BRI3: variants seen among roughly 807,000 people sequenced by gnomAD.
BRI3 encodes the protein membrane protein BRI3.
A neutral mutation model predicts 12.8 loss-of-function variants in BRI3; 6 were observed. The observed-to-expected ratio is 0.47, with a 90% CI of 0.26 to 0.93. The LOEUF is 0.93. Ranked by LOEUF, BRI3 falls within the 40% of genes least tolerant of loss-of-function variation. The probability of loss-of-function intolerance (pLI) is 0.15; values close to 1 mark genes in which losing one functional copy is unlikely to be tolerated. For missense variants in BRI3, 134 were observed against 171.1 expected, an observed-to-expected ratio of 0.78 and a Z score of 1.21; for synonymous variants, 91 against 76.1, an observed-to-expected ratio of 1.20 and a Z score of -1.02.
chr7:98,322,139 G>A, the BRI3 span, among the ~76,000 whole-genome samples: 1 of 152,108 alleles, frequency 6.6e-6, no homozygotes, highest in Non-Finnish European at 1.5e-5. Flanking sequence ...CTGAGAGGCT[G>A]CAGGGGAGGA....
chr7:98,291,079 G>T (rs765487035), intron 2 of BRI3, 32 bp from the exon 3 acceptor site: 3 of 1,613,012 alleles, frequency 1.9e-6, no homozygotes. Context: ...GGGTCCTTAC[G>T]GTGCCACCCT....
At chr7:98,321,162 G>A in the BRI3 span, among the ~76,000 whole-genome samples, 2 of 152,034 alleles carry the variant, frequency 1.3e-5, no homozygotes, top group Non-Finnish European at 2.9e-5. Context: ...CCTGGCCCAC[G>A]TGGCCCTTTC....
At chr7:98,299,501 C>G (rs1193504029) in intron 1 of BRI3, among the ~76,000 whole-genome samples, 7 of 150,542 alleles carry the variant, frequency 4.6e-5, no homozygotes, top group Middle Eastern at 3.2e-3. Context: ...TGCTTCTTGA[C>G]CACCACGTTA....
upstream of BRI3, chr7:98,304,400 A>G: frequency 6.2e-7 from 1 of 1,612,362 alleles, no homozygotes; most frequent in Non-Finnish European, 8.5e-7. Flanking sequence ...AGGACACAGC[A>G]CGTGTTAGAT....
chr7:98,316,957 A>AGC, the BRI3 span, among the ~76,000 whole-genome samples: 1 of 125,888 alleles, frequency 7.9e-6, no homozygotes, highest in Non-Finnish European at 1.7e-5. Flanking sequence ...TCTGCCTCCC[A>AGC]AGTTCAAGCA....
chr7:98,284,603 C>T (rs1197061239), intron 2 of BRI3, among the ~76,000 whole-genome samples: 2 of 152,236 alleles, frequency 1.3e-5, no homozygotes, highest in Non-Finnish European at 2.9e-5. Context: ...CCAGGTCCAG[C>T]CCGCCGGGCT....
the BRI3 span, among the ~76,000 whole-genome samples, chr7:98,320,514 TTAG>T: frequency 1.3e-5 from 2 of 152,158 alleles, no homozygotes; most frequent in Non-Finnish European, 2.9e-5. Flanking sequence ...TTTTGCATTT[TTAG>T]TAGAGACAGG....
upstream of BRI3, chr7:98,304,326 C>G: frequency 6.2e-7 from 1 of 1,613,640 alleles, no homozygotes; most frequent in Non-Finnish European, 8.5e-7. Flanking sequence ...GATGACAACA[C>G]TGCTATTCTC....
At chr7:98,299,267 C>T (rs774287924) in intron 1 of BRI3, among the ~76,000 whole-genome samples, 4 of 152,102 alleles carry the variant, frequency 2.6e-5, no homozygotes, top group Non-Finnish European at 4.4e-5. Flanking sequence ...GATCCACCTG[C>T]CTCGGCCTCC....
chr7:98,282,231 G>T, intron 1 of BRI3, 120 bp from the exon 2 acceptor site: 1 of 942,472 alleles, frequency 1.1e-6, no homozygotes, highest in Admixed American at 2.5e-5. Flanking sequence ...GCCGTCCCGA[G>T]GGTGGAAAAG....
upstream of BRI3, among the ~76,000 whole-genome samples, chr7:98,303,322 G>T (rs1460310077): frequency 6.6e-6 from 1 of 152,042 alleles, no homozygotes; most frequent in South Asian, 2.1e-4. Flanking sequence ...TGGCTCCTTC[G>T]CCCCAAAGCA....
At chr7:98,315,884 T>C in the BRI3 span, among the ~76,000 whole-genome samples, 1 of 152,150 alleles carries the variant, frequency 6.6e-6, no homozygotes, top group Non-Finnish European at 1.5e-5. Flanking sequence ...ACTTCAGAGA[T>C]ATGATCGTGT....
chr7:98,286,006 C>T (rs1244074912), intron 2 of BRI3, among the ~76,000 whole-genome samples: 6 of 152,130 alleles, frequency 3.9e-5, no homozygotes, highest in East Asian at 1.9e-4. Flanking sequence ...CCACCATGTG[C>T]GCAGAGGGCA....
At chr7:98,307,631 T>C in exon 2 of BRI3, 1 of 1,598,864 alleles carries the variant, frequency 6.3e-7, no homozygotes, top group Non-Finnish European at 8.5e-7. Context: ...GCAGCTTGGC[T>C]GCTCTGGAAG....
the BRI3 span, chr7:98,320,208 T>C: frequency 1.3e-6 from 2 of 1,594,502 alleles, no homozygotes; most frequent in Non-Finnish European, 1.7e-6. Flanking sequence ...AATGAGTGTA[T>C]TTTGTAAATA....
At chr7:98,287,200 C>G (rs1246693459) in intron 2 of BRI3, among the ~76,000 whole-genome samples, 4 of 152,266 alleles carry the variant, frequency 2.6e-5, no homozygotes, top group Non-Finnish European at 4.4e-5. Flanking sequence ...CAGGCTCGCT[C>G]TCCCCAGAGA....
At chr7:98,290,026 G>T (rs7790229) in intron 2 of BRI3, among the ~76,000 whole-genome samples, 7 of 151,886 alleles carry the variant, frequency 4.6e-5, no homozygotes. Flanking sequence ...GAACATGGCC[G>T]ACTGTAGTCT....
the BRI3 span, chr7:98,315,494 C>T: frequency 1.8e-5 from 28 of 1,517,564 alleles, no homozygotes; most frequent in Non-Finnish European, 2.4e-5. Context: ...GTTTGCAAAG[C>T]CACAGTGCTT....
chr7:98,292,924 C>T (rs920208766), downstream of BRI3: 10 of 1,374,220 alleles, frequency 7.3e-6, no homozygotes, highest in East Asian at 2.8e-5. Flanking sequence ...GCAGGCAAAG[C>T]GTCTTAGCAC....
Sources: gnomAD v4.1 joint callset for allele counts (sites outside exome capture counted in the v4.1 genomes callset) on GRCh38, gnomAD v4.1.1 for gene constraint, MANE v1.5 for transcripts, NCBI Gene and HGNC (gene_info 2026-07-23, HGNC 2026-07-21) for gene names.